Variants in ANGPT1 observed in about 807,000 individuals in gnomAD.
ANGPT1 encodes angiopoietin 1.
A neutral mutation model predicts 62.2 loss-of-function variants in ANGPT1; 17 were observed. The observed-to-expected ratio is 0.27, with a 90% CI of 0.19 to 0.41. ANGPT1 has a LOEUF of 0.41. ANGPT1 is among the 10% of genes least tolerant of loss of function. The pLI is 1.00. For missense variants in ANGPT1, 478 were observed against 594.9 expected (o/e 0.80, Z 2.04); for synonymous variants, 199 against 198.9 (o/e 1.00, Z 0.00).
intron 1 of ANGPT1, among the ~76,000 whole-genome samples, chr8:107,381,998 T>C (rs554596260): frequency 6.6e-6 from 1 of 152,254 alleles, no homozygotes; most frequent in African/African-American, 2.4e-5. Flanking sequence ...GCAAGATGAA[T>C]GGGCTTGATT....
intron 1 of ANGPT1, among the ~76,000 whole-genome samples, chr8:107,379,899 T>C (rs1816601520): frequency 6.6e-6 from 1 of 152,144 alleles, no homozygotes; most frequent in Admixed American, 6.5e-5. Flanking sequence ...ATTGAAAAAG[T>C]ATGCCTTTCC....
intron 3 of ANGPT1, among the ~76,000 whole-genome samples, chr8:107,326,869 C>G (rs1815302453): frequency 6.6e-6 from 1 of 152,112 alleles, no homozygotes; most frequent in Non-Finnish European, 1.5e-5. Context: ...AAAGCCATGT[C>G]TTCTAAGTTG....
At chr8:107,298,022 TTAAC>T (rs1221925591) in intron 5 of ANGPT1, among the ~76,000 whole-genome samples, 3 of 151,888 alleles carry the variant, frequency 2.0e-5, no homozygotes, top group African/African-American at 7.2e-5. Context: ...CCCTGCTACA[TTAAC>T]TATGCCTATT....
At chr8:107,309,735 G>A (rs7836094) in intron 4 of ANGPT1, among the ~76,000 whole-genome samples, 91,412 of 151,962 alleles carry the variant, frequency 0.6, 28,374 homozygotes, top group African/African-American at 0.77. Context: ...TTTTTTTCTT[G>A]TAGAAAGCAT....
At chr8:107,474,017 A>G (rs949341646) in intron 1 of ANGPT1, among the ~76,000 whole-genome samples, 2 of 152,180 alleles carry the variant, frequency 1.3e-5, no homozygotes, top group African/African-American at 4.8e-5. Context: ...TACAAGGAGG[A>G]GCTGGGACCA....
chr8:107,457,163 CTA>C (rs1811941024), intron 1 of ANGPT1, among the ~76,000 whole-genome samples: 1 of 151,900 alleles, frequency 6.6e-6, no homozygotes, highest in Non-Finnish European at 1.5e-5. Flanking sequence ...TTATGATAGA[CTA>C]TATTTATTAG....
At chr8:107,472,280 A>G (rs1318751727) in intron 1 of ANGPT1, among the ~76,000 whole-genome samples, 1 of 152,036 alleles carries the variant, frequency 6.6e-6, no homozygotes, top group East Asian at 1.9e-4. Flanking sequence ...AAGTTTCTCC[A>G]GTGCAAAGTT....
In ANGPT1 at chr8:107,307,797, T is replaced by C. The variant is rs143051203; in HGVS notation, c.809-4430A>G. ...AGATTTCTAATATACACAGGCACTTTTTAACACTGAGTATTTGCCTCTCTC... is the reference window on the plus strand; with the variant it reads ...AGATTTCTAATATACACAGGCACTTCTTAACACTGAGTATTTGCCTCTCTC... On this transcript the variant is annotated intron_variant, in intron 4 of 8. Transcript: ENST00000517746. 3.3e-5 allele frequency among the ~76,000 whole-genome samples: 5 copies of C among 152,266 alleles called. No individual in the cohort carries two copies. In the South Asian group the frequency reaches 6.2e-4, roughly 19 times the overall value.
intron 1 of ANGPT1, among the ~76,000 whole-genome samples, chr8:107,351,338 G>T (rs188102524): frequency 6.6e-6 from 1 of 152,134 alleles, no homozygotes; most frequent in African/African-American, 2.4e-5. Context: ...TGCAAGGAGA[G>T]AACTGATTCC....
chr8:107,382,752 T>G (rs766063172), intron 1 of ANGPT1, among the ~76,000 whole-genome samples: 9 of 152,080 alleles, frequency 5.9e-5, no homozygotes, highest in Non-Finnish European at 1.3e-4. Flanking sequence ...CCGAAAGTTT[T>G]GGAGTAAATG....
intron 1 of ANGPT1, among the ~76,000 whole-genome samples, chr8:107,416,882 C>G (rs1273194429): frequency 6.6e-6 from 1 of 151,546 alleles, no homozygotes; most frequent in African/African-American, 2.4e-5. Context: ...ACCTCTGCCT[C>G]CCTGGTTCAA....
intron 4 of ANGPT1, among the ~76,000 whole-genome samples, chr8:107,308,502 T>C (rs750262594): frequency 3.3e-5 from 5 of 152,214 alleles, no homozygotes; most frequent in Middle Eastern, 3.4e-3. Flanking sequence ...ATGCAGACAA[T>C]TGTTATCTTA....
intron 1 of ANGPT1, among the ~76,000 whole-genome samples, chr8:107,363,615 C>T (rs1816212893): frequency 6.6e-6 from 1 of 152,094 alleles, no homozygotes; most frequent in South Asian, 2.1e-4. Context: ...AATAATGCAT[C>T]TGTATCATAG....
At chr8:107,472,038 A>C (rs1442320041) in intron 1 of ANGPT1, among the ~76,000 whole-genome samples, 1 of 152,154 alleles carries the variant, frequency 6.6e-6, no homozygotes, top group African/African-American at 2.4e-5. Flanking sequence ...GATGACCTAA[A>C]CATTTTAGAG....
intron 1 of ANGPT1, among the ~76,000 whole-genome samples, chr8:107,439,631 T>C (rs1373494282): frequency 6.6e-6 from 1 of 152,206 alleles, no homozygotes; most frequent in Non-Finnish European, 1.5e-5. Flanking sequence ...CTTACATAAG[T>C]AAATATTTAT....
intron 1 of ANGPT1, among the ~76,000 whole-genome samples, chr8:107,380,411 T>C (rs1167593297): frequency 6.6e-6 from 1 of 151,688 alleles, no homozygotes; most frequent in Non-Finnish European, 1.5e-5. Flanking sequence ...CACATCTGAC[T>C]ATATATACGT....
chr8:107,429,965 A>C (rs999703563), intron 1 of ANGPT1, among the ~76,000 whole-genome samples: 5 of 152,222 alleles, frequency 3.3e-5, no homozygotes, highest in African/African-American at 1.2e-4. Flanking sequence ...TCTGAGAGAA[A>C]AAAATCCATT....
At chr8:107,310,936 AGTGT>A (rs35357623) in intron 4 of ANGPT1, among the ~76,000 whole-genome samples, 48 of 140,570 alleles carry the variant, frequency 3.4e-4, no homozygotes, top group South Asian at 1.6e-3. Context: ...TGTTAGTGTG[AGTGT>A]GTGTGTGTGT....
intron 1 of ANGPT1, among the ~76,000 whole-genome samples, chr8:107,360,801 A>G (rs548738433): frequency 2.0e-5 from 3 of 152,302 alleles, no homozygotes; most frequent in African/African-American, 7.2e-5. Flanking sequence ...TAAAAATACA[A>G]TGAAAAGTCC....
Sources: gnomAD v4.1 joint callset for allele counts (sites outside exome capture counted in the v4.1 genomes callset) on GRCh38, gnomAD v4.1.1 for gene constraint, MANE v1.5 for transcripts, NCBI Gene and HGNC (gene_info 2026-07-23, HGNC 2026-07-21) for gene names.